The following NR3C1 variants were observed in gnomAD, a reference collection of about 807,000 sequenced individuals.
The protein encoded by NR3C1 is nuclear receptor subfamily 3 group C member 1, also known as glucocorticoid receptor.
In NR3C1, 14 loss-of-function variants were observed where a neutral mutation model predicts 74.0. That is an observed-to-expected ratio of 0.19 (90% CI 0.12 to 0.30). The LOEUF (loss-of-function observed/expected upper bound fraction) is 0.30. NR3C1 is among the 10% of genes least tolerant of loss of function. NR3C1 has a pLI of 1.00. For missense variants in NR3C1, 695 were observed against 909.8 expected, an observed-to-expected ratio of 0.76 and a Z score of 3.04; for synonymous variants, 308 against 332.5, an observed-to-expected ratio of 0.93 and a Z score of 0.80.
intron 1 of NR3C1, among the ~76,000 whole-genome samples, chr5:143,432,348 A>C (rs924206633): frequency 1.3e-5 from 2 of 152,158 alleles, no homozygotes; most frequent in African/African-American, 4.8e-5. Context: ...ATTCACAAAC[A>C]TTGGTCCTGC....
At chr5:143,392,765 GAGA>G (rs1441337880) in intron 2 of NR3C1, among the ~76,000 whole-genome samples, 1 of 152,128 alleles carries the variant, frequency 6.6e-6, no homozygotes, top group Non-Finnish European at 1.5e-5. Context: ...AAAATGAATA[GAGA>G]AGAATACAGA....
intron 2 of NR3C1, among the ~76,000 whole-genome samples, chr5:143,387,808 A>C (rs1837517548): frequency 6.6e-6 from 1 of 152,332 alleles, no homozygotes; most frequent in African/African-American, 2.4e-5. Context: ...AAATAAGCTG[A>C]AGAAAGATAT....
In NR3C1 at chr5:143,434,305, A is replaced by G. The variant is rs139544695; in HGVS notation, c.-14+227T>C. Among the ~76,000 whole-genome samples the G allele has an allele frequency of 2.3e-3, 354 of 152,354 alleles. 5 individuals carry two copies. Among genetic ancestry groups the G allele is most frequent in the African/African-American group, 8.2e-3 (342 of 41,578 alleles). ...CATTGCCTACAATAGCACTTGGCAC[A>G]TACTTGCTGAATAAATGAAACTGAG... On this transcript the variant is annotated intron_variant, in intron 1 of 8. Transcript: ENST00000343796.
At chr5:143,412,032 T>C (rs542217131) in intron 1 of NR3C1, among the ~76,000 whole-genome samples, 1 of 152,112 alleles carries the variant, frequency 6.6e-6, no homozygotes, top group Admixed American at 6.5e-5. Flanking sequence ...ATGAAAGAGA[T>C]GGACTTCCAG....
intron 2 of NR3C1, chr5:143,332,905 C>T (rs1056787561): frequency 2.7e-5 from 40 of 1,507,880 alleles, no homozygotes; most frequent in Admixed American, 1.8e-4. Flanking sequence ...ATAGTGGAAC[C>T]TTATGTGACC....
intron 1 of NR3C1, among the ~76,000 whole-genome samples, chr5:143,432,890 C>T (rs1375967928): frequency 6.6e-6 from 1 of 152,142 alleles, no homozygotes; most frequent in African/African-American, 2.4e-5. Context: ...CCGACTATTG[C>T]GTTCTCTGCC....
chr5:143,392,090 C>T (rs577622421), intron 2 of NR3C1, among the ~76,000 whole-genome samples: 5 of 152,122 alleles, frequency 3.3e-5, no homozygotes, highest in African/African-American at 9.6e-5. Flanking sequence ...CTCAGGCTCC[C>T]GAGTAGCTGG....
At chr5:143,363,520 C>T (rs1180680691) in intron 2 of NR3C1, among the ~76,000 whole-genome samples, 3 of 151,952 alleles carry the variant, frequency 2.0e-5, no homozygotes, top group Admixed American at 1.3e-4. Context: ...TTGCAGTGAG[C>T]TGAGATCGTG....
intron 7 of NR3C1, among the ~76,000 whole-genome samples, chr5:143,289,537 C>G (rs150024563): frequency 6.6e-6 from 1 of 152,146 alleles, no homozygotes; most frequent in African/African-American, 2.4e-5. Flanking sequence ...AACAAAGACA[C>G]GAAGCTTTCT....
At chr5:143,382,788 G>A (rs1465671557) in intron 2 of NR3C1, among the ~76,000 whole-genome samples, 1 of 152,208 alleles carries the variant, frequency 6.6e-6, no homozygotes, top group Non-Finnish European at 1.5e-5. Flanking sequence ...CTTCTTCGTG[G>A]TTTGTGTACT....
intron 7 of NR3C1, among the ~76,000 whole-genome samples, chr5:143,284,445 A>C (rs1813828176): frequency 7.2e-6 from 1 of 138,822 alleles, no homozygotes; most frequent in African/African-American, 2.6e-5. Flanking sequence ...ACGGCATTCT[A>C]TATTAACAAT....
chr5:143,412,692 T>G (rs912596196), intron 1 of NR3C1, among the ~76,000 whole-genome samples: 2 of 152,162 alleles, frequency 1.3e-5, no homozygotes, highest in African/African-American at 4.8e-5. Flanking sequence ...GGTTTTTTTG[T>G]TTGGGTTTTA....
chr5:143,388,718 A>C (rs1837710809), intron 2 of NR3C1, among the ~76,000 whole-genome samples: 1 of 152,222 alleles, frequency 6.6e-6, no homozygotes, highest in Non-Finnish European at 1.5e-5. Context: ...AATTTTCCTC[A>C]GATTTGGGCT....
chr5:143,316,997 T>C (rs1822249963), intron 2 of NR3C1, among the ~76,000 whole-genome samples: 1 of 152,170 alleles, frequency 6.6e-6, no homozygotes, highest in South Asian at 2.1e-4. Flanking sequence ...ATTTGGAACC[T>C]CAATCAGGCT....
Position 143,310,458 on chromosome 5 carries a change from A to G in NR3C1, c.1352-245T>C, listed in dbSNP as rs377226622. ...AAAAACCTTATTGCAGTATTCACAT[A>G]TAAAAAAAGTACACAAATCAGTGAA... is the stretch of plus-strand genomic sequence containing the variant. On this transcript the variant is annotated intron_variant, in intron 3 of 8. Coordinates refer to ENST00000394464, the MANE Select transcript of NR3C1 (RefSeq NM_000176.3). Among the ~76,000 whole-genome samples, 93 of 152,258 alleles carry G rather than the reference A, an allele frequency of 6.1e-4. 1 individual carries two copies. In the South Asian group the frequency reaches 0.019, roughly 31 times the overall value.
chr5:143,434,809 T>C lies in NR3C1; in HGVS notation c.-291A>G, dbSNP rs368434006. 18 of 985,456 alleles carry C rather than the reference T, an allele frequency of 1.8e-5. No individual in the cohort carries two copies. In the South Asian group the frequency reaches 6.6e-4, roughly 36 times the overall value. 61.0% of individuals were successfully genotyped at this position (985,456 alleles called of 1,614,324 possible). A position where few individuals can be genotyped will look rare whatever the true frequency, so the allele number is the denominator to read the frequency against. The stretch of plus-strand genomic sequence containing the variant: ...GCTCTGAGAGCACCAGAATGAAATC[T>C]GACTTAGATATGACGCAGATTCCTT... On this transcript the variant is annotated 5_prime_UTR_variant, in exon 1 of 9. Coordinates refer to the NR3C1 transcript ENST00000343796.
chr5:143,316,887 TAC>T (rs1172164249), intron 2 of NR3C1, among the ~76,000 whole-genome samples: 1 of 152,150 alleles, frequency 6.6e-6, no homozygotes, highest in African/African-American at 2.4e-5. Context: ...TCTTAGATAT[TAC>T]AATGTATGCA....
chr5:143,343,651 C>G (rs1828663345), intron 2 of NR3C1, among the ~76,000 whole-genome samples: 1 of 152,164 alleles, frequency 6.6e-6, no homozygotes, highest in Non-Finnish European at 1.5e-5. Context: ...CAGAATATGC[C>G]ATATGCTTCC....
At chr5:143,391,855 G>A (rs2151916789) in intron 2 of NR3C1, among the ~76,000 whole-genome samples, 1 of 152,306 alleles carries the variant, frequency 6.6e-6, no homozygotes, top group South Asian at 2.1e-4. Flanking sequence ...AGTCACAGAT[G>A]TCATAACGTA....
Sources: gnomAD v4.1 joint callset for allele counts (sites outside exome capture counted in the v4.1 genomes callset) on GRCh38, gnomAD v4.1.1 for gene constraint, MANE v1.5 for transcripts, NCBI Gene and HGNC (gene_info 2026-07-23, HGNC 2026-07-21) for gene names.